Variants in VEZT observed in about 807,000 individuals in gnomAD.
VEZT encodes vezatin.
Under a neutral mutation model 79.9 loss-of-function variants are expected in VEZT, and 39 were observed. The observed-to-expected ratio is 0.49, with a 90% CI of 0.38 to 0.64. The LOEUF (loss-of-function observed/expected upper bound fraction) is 0.64. Among genes scored for constraint, VEZT ranks in the 30% least tolerant of loss-of-function variants. The pLI, the probability that VEZT is intolerant of heterozygous loss-of-function variation, is 0.00. For missense variants in VEZT, 837 were observed against 893.1 expected, an observed-to-expected ratio of 0.94 and a Z score of 0.80; for synonymous variants, 325 against 327.6, an observed-to-expected ratio of 0.99 and a Z score of 0.09.
rs757594545 is a variant in VEZT at position 95,282,267 on chromosome 12, G to C, written c.997-46G>C. ...AAATTTATAGTTTGTTTTGAACACT[G>C]ACCAATATTTTTATTGATCTAGTTC... On this transcript the variant is annotated intron_variant, in intron 7 of 11. Coordinates refer to ENST00000436874, the MANE Select transcript of VEZT (RefSeq NM_017599.4). 3.5e-6 allele frequency: 5 copies of C among 1,444,422 alleles called. No homozygotes were observed. In the Admixed American group the frequency reaches 1.3e-4, roughly 39 times the overall value. The allele number at this position is 1,444,422 out of a possible 1,614,324, so 89.5% of individuals were successfully genotyped here.
chr12:95,295,754 A>C (rs559720856), intron 10 of VEZT, among the ~76,000 whole-genome samples: 58 of 152,322 alleles, frequency 3.8e-4, no homozygotes, highest in African/African-American at 1.3e-3. Context: ...GATATAGCTA[A>C]TGGCTGTAAC....
intron 8 of VEZT, chr12:95,286,881 G>A (rs1057200368): frequency 2.6e-6 from 1 of 380,372 alleles, no homozygotes; most frequent in African/African-American, 2.2e-5. Context: ...CTGCCTCCAA[G>A]CTGCTCTGGG....
chr12:95,236,459 G>A (rs2060208265), intron 1 of VEZT, among the ~76,000 whole-genome samples: 2 of 152,146 alleles, frequency 1.3e-5, no homozygotes, highest in African/African-American at 4.8e-5. Flanking sequence ...CTGTGGGAGA[G>A]GGGAGAGGGG....
In VEZT at chr12:95,228,713, A is replaced by G. The variant is rs536058658; in HGVS notation, c.36+10827A>G. Among the ~76,000 whole-genome samples the G allele has an allele frequency of 5.9e-5, 9 of 152,282 alleles. No individual in the cohort carries two copies. In the South Asian group the frequency reaches 1.9e-3, roughly 32 times the overall value. ...TTGACATCAAAGATTGACCATTAAG[A>G]CCAAGTCTAGCCAGATATGGTAGTT... On this transcript the variant is annotated intron_variant, in intron 1 of 11. Coordinates refer to ENST00000436874, the MANE Select transcript of VEZT (RefSeq NM_017599.4).
chr12:95,218,018 A>G, intron 1 of VEZT, 132 bp downstream of exon 1: 1 of 871,486 alleles, frequency 1.1e-6, no homozygotes, highest in Non-Finnish European at 1.7e-6. Flanking sequence ...ACCGAACCCC[A>G]GCGATTTCAG....
chr12:95,221,327 G>C (rs2057545386), intron 1 of VEZT, among the ~76,000 whole-genome samples: 1 of 152,208 alleles, frequency 6.6e-6, no homozygotes, highest in African/African-American at 2.4e-5. Flanking sequence ...ACTTTGGAAA[G>C]CTAAGCCAGG....
At chr12:95,236,321 G>T (rs1243621211) in intron 1 of VEZT, among the ~76,000 whole-genome samples, 1 of 152,194 alleles carries the variant, frequency 6.6e-6, no homozygotes, top group African/African-American at 2.4e-5. Flanking sequence ...CACTGGGCAG[G>T]CTGAGGCAGG....
intron 7 of VEZT, among the ~76,000 whole-genome samples, chr12:95,279,679 A>C (rs1292746332): frequency 1.3e-5 from 2 of 152,124 alleles, no homozygotes; most frequent in Non-Finnish European, 2.9e-5. Flanking sequence ...GTAACCCTGA[A>C]CTCCTGGGCT....
intron 1 of VEZT, chr12:95,244,017 T>G (rs1234342435): frequency 4.4e-6 from 2 of 455,718 alleles, no homozygotes; most frequent in Non-Finnish European, 8.8e-6. Flanking sequence ...TAAGTAAGCT[T>G]CTTTCTTTAT....
chr12:95,272,511 G>A (rs567632405), intron 6 of VEZT, among the ~76,000 whole-genome samples: 15 of 152,132 alleles, frequency 9.9e-5, no homozygotes, highest in Non-Finnish European at 1.9e-4. Flanking sequence ...GGTGGCCAGG[G>A]GCCAGATCAT....
Position 95,238,627 on chromosome 12 carries a change from A to G in VEZT, c.37-13313A>G, listed in dbSNP as rs78626908. ...CAGACATTTTAGGTCTAAGCCATTC[A>G]CATTTGACTATCTCATAGGCACTTC... On this transcript the variant is annotated intron_variant, in intron 1 of 11. Coordinates refer to ENST00000436874, the MANE Select transcript of VEZT (RefSeq NM_017599.4). Among the ~76,000 whole-genome samples the G allele has an allele frequency of 1.0e-3, 153 of 152,300 alleles. 1 individual carries two copies. The highest frequency in any genetic ancestry group is 3.7e-3 in the African/African-American group (153 of 41,552).
intron 7 of VEZT, among the ~76,000 whole-genome samples, chr12:95,282,001 A>T (rs11107961): frequency 2.9e-3 from 438 of 151,840 alleles, no homozygotes; most frequent in Non-Finnish European, 5.1e-3. Context: ...CTATGTGAAA[A>T]TTTTTTTTAA....
intron 1 of VEZT, among the ~76,000 whole-genome samples, chr12:95,226,246 A>G (rs1284788224): frequency 6.6e-6 from 1 of 152,152 alleles, no homozygotes; most frequent in African/African-American, 2.4e-5. Context: ...CTGCAAGATA[A>G]TTTGGGAAAT....
intron 11 of VEZT, 129 bp downstream of exon 11, chr12:95,296,387 TTTC>T (rs763952382): frequency 2.4e-5 from 17 of 703,048 alleles, no homozygotes; most frequent in Non-Finnish European, 2.8e-5. Flanking sequence ...CATAGTACTT[TTTC>T]TTCTAGATGC....
intron 11 of VEZT, chr12:95,296,946 A>G (rs1159358313): frequency 1.3e-5 from 2 of 152,640 alleles, no homozygotes; most frequent in Admixed American, 1.3e-4. Flanking sequence ...TCTCAAAAAG[A>G]AAAAAAGAAA....
chr12:95,266,329 T>G, intron 4 of VEZT, 28 bp from the exon 5 acceptor site: 1 of 1,592,710 alleles, frequency 6.3e-7, no homozygotes, highest in Non-Finnish European at 8.6e-7. Context: ...ATCTGATGCA[T>G]ATCATTTTCT....
intron 8 of VEZT, among the ~76,000 whole-genome samples, chr12:95,286,015 G>A (rs2070738003): frequency 9.6e-6 from 1 of 104,052 alleles, no homozygotes; most frequent in Non-Finnish European, 1.8e-5. Flanking sequence ...TTTTGAGATA[G>A]AGTCTGTCAC....
At chr12:95,240,028 GGAAGGAAGGA>G (rs1566039978) in intron 1 of VEZT, among the ~76,000 whole-genome samples, 517 of 48,734 alleles carry the variant, frequency 0.011, 5 homozygotes, top group Non-Finnish European at 0.017. Flanking sequence ...AAGAAAGGAA[GGAAGGAAGGA>G]AGGAAGGAAG....
Position 95,257,154 on chromosome 12 carries a change from G to T in VEZT, c.173G>T (p.Gly58Val), listed in dbSNP as rs1477634272. ...AATGTCATTCATTTCCTTCAGCAAG[G>T]TATCCTGTTAAAAGTGGCTGAAACC... ...KPPTRVLPKQ[G>V]ILLKVAETIK... The change falls in exon 3 of 12, where the codon GGT becomes GTT. Residue 58 changes from glycine to valine, a missense_variant. Coordinates refer to ENST00000436874, the MANE Select transcript of VEZT (RefSeq NM_017599.4). The T allele has an allele frequency of 1.2e-6, 2 of 1,608,794 alleles. No individual in the cohort carries two copies. The highest frequency in any genetic ancestry group is 1.3e-5 in the African/African-American group (1 of 74,820).
Sources: allele counts gnomAD v4.1 joint callset (sites outside exome capture counted in the v4.1 genomes callset), GRCh38; gene constraint gnomAD v4.1.1; transcripts MANE v1.5; gene names NCBI Gene and HGNC (gene_info 2026-07-23, HGNC 2026-07-21).